Variants in ZNF670 observed in about 807,000 individuals in gnomAD.
ZNF670 encodes zinc finger protein 670.
ZNF670 carries 7 observed loss-of-function variants against 10.9 expected under a neutral mutation model. The ratio of observed to expected loss-of-function variants is 0.64; its 90% confidence interval spans 0.36 to 1.20. The LOEUF (loss-of-function observed/expected upper bound fraction) is 1.20. Among genes scored for constraint, ZNF670 ranks in the 50% most tolerant of loss-of-function variants. ZNF670 has a pLI of 0.02. For synonymous variants in ZNF670, 136 were observed against 152.7 expected (o/e 0.89, Z 0.81); for missense variants, 446 against 458.6 (o/e 0.97, Z 0.25).
intron 1 of ZNF670, among the ~76,000 whole-genome samples, chr1:247,044,807 G>C (rs1353992601): frequency 1.3e-5 from 2 of 152,158 alleles, no homozygotes; most frequent in Non-Finnish European, 2.9e-5. Flanking sequence ...CTACCTGAGG[G>C]GGAGAATGGG....
chr1:247,072,438 A>G (rs1182391769), intron 1 of ZNF670, among the ~76,000 whole-genome samples: 3 of 151,096 alleles, frequency 2.0e-5, no homozygotes, highest in Non-Finnish European at 4.4e-5. Context: ...TACAGTGGTG[A>G]GCCACTGTGC....
chr1:247,075,034 C>T (rs1396312326), intron 1 of ZNF670, among the ~76,000 whole-genome samples: 1 of 152,212 alleles, frequency 6.6e-6, no homozygotes, highest in African/African-American at 2.4e-5. Flanking sequence ...ATATAAAGAG[C>T]TCCTTTCATG....
At chr1:247,058,747 A>G (rs1670782595) in intron 1 of ZNF670, among the ~76,000 whole-genome samples, 1 of 152,104 alleles carries the variant, frequency 6.6e-6, no homozygotes, top group African/African-American at 2.4e-5. Flanking sequence ...CATTATGAAC[A>G]ACTCCATGAC....
At chr1:247,048,101 A>C (rs1044929687) in intron 1 of ZNF670, among the ~76,000 whole-genome samples, 1 of 152,202 alleles carries the variant, frequency 6.6e-6, no homozygotes, top group Non-Finnish European at 1.5e-5. Flanking sequence ...AAAATTTTCC[A>C]AACGTTTATG....
At chr1:247,056,554 C>T (rs1274136199) in intron 1 of ZNF670, among the ~76,000 whole-genome samples, 3 of 152,076 alleles carry the variant, frequency 2.0e-5, no homozygotes, top group Non-Finnish European at 4.4e-5. Context: ...GCTGTAAATA[C>T]CTACATCAAA....
chr1:247,072,843 T>TAC lies in ZNF670; in HGVS notation c.3+5749_3+5750dup, dbSNP rs1553323588. ...ATATATATATATATATATATATGCA[T>TAC]ACACACACATACACACACACACACA... On this transcript the variant is annotated intron_variant, in intron 1 of 3. Transcript: ENST00000366503. 3.6e-3 allele frequency among the ~76,000 whole-genome samples: 308 copies of TAC among 85,826 alleles called. 7 individuals carry two copies. Among genetic ancestry groups the TAC allele is most frequent in the Non-Finnish European group, 4.8e-3 (201 of 42,100 alleles). 56.3% of individuals were successfully genotyped at this position (85,826 alleles called of 152,430 possible). A position where few individuals can be genotyped will look rare whatever the true frequency, so the allele number is the denominator to read the frequency against.
chr1:247,038,770 T>A, intron 3 of ZNF670, 40 bp downstream of exon 3: 1 of 1,527,278 alleles, frequency 6.5e-7, no homozygotes, highest in African/African-American at 1.4e-5. Flanking sequence ...ATGCTAAGAT[T>A]CCCTCAAGGG....
chr1:247,070,081 T>C (rs1671080140), intron 1 of ZNF670, among the ~76,000 whole-genome samples: 1 of 152,092 alleles, frequency 6.6e-6, no homozygotes, highest in Non-Finnish European at 1.5e-5. Context: ...ATTGCATCCC[T>C]GTATCAAAAT....
At chr1:247,039,013 T>TGCCAAATCAGGA (rs1391407965) in intron 2 of ZNF670, 143 bp from the exon 3 acceptor site, 2 of 513,046 alleles carry the variant, frequency 3.9e-6, no homozygotes, top group Non-Finnish European at 6.7e-6. Flanking sequence ...GAAACATTCA[T>TGCCAAATCAGGA]AACCAAGAAA....
intron 1 of ZNF670, among the ~76,000 whole-genome samples, chr1:247,072,726 G>C (rs547374959): frequency 9.4e-5 from 14 of 148,928 alleles, no homozygotes; most frequent in East Asian, 8.1e-4. Context: ...GTCGGAGGTT[G>C]TGGTGAGCCG....
intron 1 of ZNF670, among the ~76,000 whole-genome samples, chr1:247,072,820 A>ATATATG (rs1455373565): frequency 2.4e-5 from 2 of 83,150 alleles, no homozygotes; most frequent in Non-Finnish European, 4.7e-5. Context: ...ATATATATAT[A>ATATATG]TATATATATA....
rs190325700 is a variant in ZNF670, at chr1:247,064,235, G to C, written c.3+14359C>G. The stretch of plus-strand genomic sequence containing the variant: ...AGAGAAGATGCAGCAGAGTCATCTG[G>C]AACCTCCTTGATCAGAGGACATGCA... On this transcript the variant is annotated intron_variant, in intron 1 of 3. Coordinates refer to ENST00000366503, the MANE Select transcript of ZNF670 (RefSeq NM_033213.5). Among the ~76,000 whole-genome samples, 13 of 152,346 alleles carry C rather than the reference G, an allele frequency of 8.5e-5. No homozygotes were observed. The East Asian group carries it at 2.5e-3, about 29-fold the overall frequency.
rs192973302 is a variant in ZNF670, at chr1:247,036,960, A to T, written c.*489T>A. The T allele has an allele frequency of 6.5e-6, 1 of 154,634 alleles. No homozygotes were observed. The highest frequency in any genetic ancestry group is 2.4e-5 in the African/African-American group (1 of 41,542). The allele number at this position is 154,634 out of a possible 1,614,324, so 9.6% of individuals were successfully genotyped here. A position where few individuals can be genotyped will look rare whatever the true frequency, so the allele number is the denominator to read the frequency against. On this transcript the variant is annotated 3_prime_UTR_variant, in exon 4 of 4. Transcript: ENST00000366503. The stretch of plus-strand genomic sequence containing the variant: ...GAGAACAATTAAACAACTACATGAA[A>T]ATTAAAATTGCCTACTATTAGAAAT...
rs186896216 is a variant in ZNF670, at chr1:247,051,813, G to T, written c.4-12276C>A. 2.9e-3 allele frequency among the ~76,000 whole-genome samples: 438 copies of T among 149,728 alleles called. 1 individual carries two copies. The highest frequency in any genetic ancestry group is 4.7e-3 in the Non-Finnish European group (320 of 67,528). ...TTTTTTTTTTTGTTTTGTTGCATCG[G>T]GTTAATTTGAAAGCCTTGTCTTCAA... On this transcript the variant is annotated intron_variant, in intron 1 of 3. Coordinates refer to ENST00000366503, the MANE Select transcript of ZNF670 (RefSeq NM_033213.5).
chr1:247,051,297 TGTA>T (rs1358430165), intron 1 of ZNF670, among the ~76,000 whole-genome samples: 2 of 152,124 alleles, frequency 1.3e-5, no homozygotes, highest in Non-Finnish European at 2.9e-5. Context: ...TAGCAGTTGT[TGTA>T]GTGCTGGTTT....
chr1:247,041,899 G>A (rs1434407180), intron 1 of ZNF670, among the ~76,000 whole-genome samples: 1 of 152,078 alleles, frequency 6.6e-6, no homozygotes, highest in Non-Finnish European at 1.5e-5. Flanking sequence ...AAATGGAACT[G>A]AAAAATTACA....
At chr1:247,062,350 A>C (rs1238622403) in intron 1 of ZNF670, among the ~76,000 whole-genome samples, 1 of 152,238 alleles carries the variant, frequency 6.6e-6, no homozygotes, top group Non-Finnish European at 1.5e-5. Flanking sequence ...TTTAGGGGAA[A>C]TAAAAAGGTA....
At chr1:247,051,257 GA>G (rs71566687) in intron 1 of ZNF670, among the ~76,000 whole-genome samples, 3,790 of 109,856 alleles carry the variant, frequency 0.034, 165 homozygotes, top group African/African-American at 0.14. Flanking sequence ...CCGTCTCCAA[GA>G]AAAAAAAAAA....
chr1:247,074,222 C>T (rs1441248386), intron 1 of ZNF670, among the ~76,000 whole-genome samples: 1 of 152,054 alleles, frequency 6.6e-6, no homozygotes, highest in Non-Finnish European at 1.5e-5. Context: ...GTGGTCAGAA[C>T]AAAATACTTG....
Sources: allele counts gnomAD v4.1 joint callset (sites outside exome capture counted in the v4.1 genomes callset), GRCh38; gene constraint gnomAD v4.1.1; transcripts MANE v1.5; gene names NCBI Gene and HGNC (gene_info 2026-07-23, HGNC 2026-07-21).